Variants in NRG3 observed in about 807,000 individuals in gnomAD.
NRG3 encodes neuregulin 3, also known as pro-neuregulin-3, membrane-bound isoform.
A neutral mutation model predicts 66.9 loss-of-function variants in NRG3; 31 were observed. The observed-to-expected ratio is 0.46, with a 90% CI of 0.35 to 0.63. The LOEUF (loss-of-function observed/expected upper bound fraction) is 0.63, where lower values mean the gene tolerates loss of function less well. Among genes scored for constraint, NRG3 ranks in the 20% least tolerant of loss-of-function variants. The pLI, the probability that NRG3 is intolerant of heterozygous loss-of-function variation, is 0.00. For synonymous variants in NRG3, 393 were observed against 359.4 expected (o/e 1.09, Z -1.06); for missense variants, 910 against 878.9 (o/e 1.04, Z -0.45).
chr10:81,955,968 C>T (rs970108198), intron 1 of NRG3, among the ~76,000 whole-genome samples: 1 of 152,118 alleles, frequency 6.6e-6, no homozygotes, highest in South Asian at 2.1e-4. Flanking sequence ...CCTGGTGTTC[C>T]TCATCTTAAT....
chr10:81,893,305 C>T (rs1408320748), intron 1 of NRG3, among the ~76,000 whole-genome samples: 1 of 151,978 alleles, frequency 6.6e-6, no homozygotes, highest in African/African-American at 2.4e-5. Context: ...CACCTATAAC[C>T]CTATATTTAA....
chr10:81,942,875 G>A (rs111278566), intron 1 of NRG3, among the ~76,000 whole-genome samples: 4 of 152,118 alleles, frequency 2.6e-5, no homozygotes, highest in African/African-American at 9.7e-5. Context: ...TCTTTGATTA[G>A]TCTTTTGAGG....
rs1244613842 is a variant in NRG3 at position 82,383,511 on chromosome 10, AT to A, written c.953+24648del. Among the ~76,000 whole-genome samples, 8 of 151,976 alleles carry A rather than the reference AT, an allele frequency of 5.3e-5. No individual in the cohort carries two copies. The South Asian group carries it at 1.2e-3, about 24-fold the overall frequency. ...GGTTACATGTTTTGTTTGCTTTTAC[AT>A]TTTTAATAATGAAAGTACTTAACAC... On this transcript the variant is annotated intron_variant, in intron 2 of 8. Coordinates refer to ENST00000372141, the MANE Select transcript of NRG3 (RefSeq NM_001010848.4).
chr10:81,887,627 A>G (rs764346108), intron 1 of NRG3, among the ~76,000 whole-genome samples: 3 of 152,146 alleles, frequency 2.0e-5, no homozygotes, highest in Non-Finnish European at 4.4e-5. Context: ...TGGCTGGAAC[A>G]TAGACAGACT....
intron 2 of NRG3, among the ~76,000 whole-genome samples, chr10:82,437,779 T>C (rs369997925): frequency 6.6e-6 from 1 of 152,174 alleles, no homozygotes; most frequent in Non-Finnish European, 1.5e-5. Context: ...TTCTGGTTTG[T>C]TGTTCTTTCA....
rs557200361 is a variant in NRG3 at position 82,893,428 on chromosome 10, G to A, written c.1054+27991G>A. Among the ~76,000 whole-genome samples the A allele has an allele frequency of 4.2e-4, 64 of 152,258 alleles. 1 individual carries two copies. Among genetic ancestry groups the A allele is most frequent in the Middle Eastern group, 3.4e-3 (1 of 294 alleles). ...AAGTGGGCCAGGCGCGGTGGCTCACGCCTGTAATCCCAGCACTTTGGGAAG... is the reference window on the plus strand; with the variant it reads ...AAGTGGGCCAGGCGCGGTGGCTCACACCTGTAATCCCAGCACTTTGGGAAG... On this transcript the variant is annotated intron_variant, in intron 4 of 8. Coordinates refer to ENST00000372141, the MANE Select transcript of NRG3 (RefSeq NM_001010848.4).
intron 1 of NRG3, among the ~76,000 whole-genome samples, chr10:82,113,169 G>A (rs1347153327): frequency 1.1e-4 from 17 of 152,178 alleles, no homozygotes; most frequent in Admixed American, 1.1e-3. Context: ...GCTCCAGGCA[G>A]TGGGCTAAAT....
chr10:82,830,952 A>G (rs769189003), intron 3 of NRG3, among the ~76,000 whole-genome samples: 1 of 152,210 alleles, frequency 6.6e-6, no homozygotes, highest in Non-Finnish European at 1.5e-5. Context: ...TGCAATGCTG[A>G]TATGTTCTGG....
At chr10:82,058,574 A>G (rs1230012014) in intron 1 of NRG3, among the ~76,000 whole-genome samples, 2 of 150,982 alleles carry the variant, frequency 1.3e-5, no homozygotes, top group Admixed American at 1.3e-4. Flanking sequence ...ATATTTATAA[A>G]TATACTTTTT....
intron 1 of NRG3, among the ~76,000 whole-genome samples, chr10:82,150,810 C>T (rs1279285971): frequency 3.3e-5 from 5 of 152,012 alleles, no homozygotes; most frequent in African/African-American, 9.7e-5. Flanking sequence ...TACACACAAC[C>T]GAGACTTTTT....
At chr10:82,498,771 T>C (rs1007537939) in intron 2 of NRG3, among the ~76,000 whole-genome samples, 3 of 152,146 alleles carry the variant, frequency 2.0e-5, no homozygotes, top group Non-Finnish European at 4.4e-5. Context: ...TCACTCAATG[T>C]TGCCTCAACC....
intron 4 of NRG3, among the ~76,000 whole-genome samples, chr10:82,893,385 T>C (rs889874490): frequency 5.3e-5 from 8 of 152,174 alleles, no homozygotes; most frequent in Non-Finnish European, 7.4e-5. Flanking sequence ...GAAATTAGGA[T>C]ATATTTAGAA....
At chr10:81,964,091 C>G (rs1261757016) in intron 1 of NRG3, among the ~76,000 whole-genome samples, 1 of 151,956 alleles carries the variant, frequency 6.6e-6, no homozygotes, top group Non-Finnish European at 1.5e-5. Flanking sequence ...TAATCCCTTC[C>G]CAGAGATAAG....
At chr10:82,245,711 T>C (rs2134040176) in intron 1 of NRG3, among the ~76,000 whole-genome samples, 1 of 152,314 alleles carries the variant, frequency 6.6e-6, no homozygotes, top group East Asian at 1.9e-4. Context: ...GCAACTGTTA[T>C]TTGTGTGATG....
chr10:82,799,680 T>C (rs1192051363), intron 3 of NRG3: 4 of 152,176 alleles, frequency 2.6e-5, no homozygotes, highest in Admixed American at 6.6e-5. Context: ...CCAGGCCCAA[T>C]GGTGAACTCT....
At chr10:82,757,051 A>G (rs2059108257) in intron 3 of NRG3, among the ~76,000 whole-genome samples, 1 of 152,088 alleles carries the variant, frequency 6.6e-6, no homozygotes, top group Non-Finnish European at 1.5e-5. Context: ...CTTCCTAAAC[A>G]GAAACAATGG....
intron 1 of NRG3, among the ~76,000 whole-genome samples, chr10:82,336,968 G>C (rs1407868938): frequency 6.6e-6 from 1 of 152,186 alleles, no homozygotes; most frequent in Non-Finnish European, 1.5e-5. Context: ...ATAAGGCAAA[G>C]AGTTTTTGGG....
At chr10:82,944,094 A>AT (rs1329434138) in intron 4 of NRG3, among the ~76,000 whole-genome samples, 1 of 152,206 alleles carries the variant, frequency 6.6e-6, no homozygotes, top group Non-Finnish European at 1.5e-5. Flanking sequence ...AAATGCACTG[A>AT]TAATATACCA....
At chr10:81,919,676 A>G (rs942429882) in intron 1 of NRG3, among the ~76,000 whole-genome samples, 2 of 152,128 alleles carry the variant, frequency 1.3e-5, no homozygotes, top group Non-Finnish European at 2.9e-5. Flanking sequence ...CCCAAAAATT[A>G]TTGAGGGAAA....
Sources: allele counts gnomAD v4.1 joint callset (sites outside exome capture counted in the v4.1 genomes callset), GRCh38; gene constraint gnomAD v4.1.1; transcripts MANE v1.5; gene names NCBI Gene and HGNC (gene_info 2026-07-23, HGNC 2026-07-21).